TAF9: variants seen among roughly 807,000 people sequenced by gnomAD.
The protein encoded by TAF9 is transcription initiation factor TFIID subunit 9.
A neutral mutation model predicts 16.5 loss-of-function variants in TAF9; 10 were observed. The ratio of observed to expected loss-of-function variants is 0.61; its 90% CI spans 0.37 to 1.03. The LOEUF (loss-of-function observed/expected upper bound fraction) is 1.03, where lower values mean the gene tolerates loss of function less well. Among genes scored for constraint, TAF9 ranks in the 50% least tolerant of loss-of-function variants. TAF9 has a pLI of 0.01. For missense variants in TAF9, 288 were observed against 319.1 expected (o/e 0.90, Z 0.74); for synonymous variants, 105 against 120.5 (o/e 0.87, Z 0.84).
chr5:69,369,226 A>AAC, intron 1 of TAF9: 2 of 123,114 alleles, frequency 1.6e-5, no homozygotes, highest in South Asian at 3.2e-4. Context: ...ACCTCTCTCC[A>AAC]CCCCCCCCCG....
intron 1 of TAF9, among the ~76,000 whole-genome samples, chr5:69,368,591 A>T (rs1366778506): frequency 6.6e-6 from 1 of 151,660 alleles, no homozygotes; most frequent in Non-Finnish European, 1.5e-5. Flanking sequence ...CACCTCTCAG[A>T]AACAGACATG....
chr5:69,369,351 G>C, intron 1 of TAF9, 112 bp downstream of exon 1: 1 of 1,203,066 alleles, frequency 8.3e-7, no homozygotes, highest in Non-Finnish European at 1.1e-6. Context: ...CGTGGCCCTC[G>C]GCCGGCCTCT....
chr5:69,367,367 G>A (rs558036822), intron 1 of TAF9, among the ~76,000 whole-genome samples: 26 of 151,624 alleles, frequency 1.7e-4, no homozygotes, highest in Non-Finnish European at 3.1e-4. Flanking sequence ...AAAATTAGCC[G>A]GGCGTGGTGG....
intron 1 of TAF9, among the ~76,000 whole-genome samples, chr5:69,367,141 T>A (rs1762465382): frequency 6.6e-6 from 1 of 152,138 alleles, no homozygotes; most frequent in Non-Finnish European, 1.5e-5. Flanking sequence ...GTGTATTGAT[T>A]CTCCAGGGGT....
At chr5:69,369,074 C>G (rs544422947) in intron 1 of TAF9, 1 of 295,292 alleles carries the variant, frequency 3.4e-6, no homozygotes, top group East Asian at 6.9e-5. Context: ...ATGACTCTAC[C>G]GGGAAGCAGA....
intron 2 of TAF9, 32 bp downstream of exon 2, chr5:69,366,470 AC>A (rs771702753): frequency 6.3e-6 from 10 of 1,580,110 alleles, no homozygotes; most frequent in East Asian, 2.2e-5. Context: ...TAAAAAAAAA[AC>A]AAAACAAATC....
intron 2 of TAF9, 32 bp downstream of exon 2, chr5:69,366,469 AAC>A: frequency 6.3e-7 from 1 of 1,581,002 alleles, no homozygotes; most frequent in Admixed American, 1.7e-5. Flanking sequence ...TTAAAAAAAA[AAC>A]AAAACAAATC....
At chr5:69,369,383 C>T (rs572484739) in intron 1 of TAF9, 80 bp downstream of exon 1, 9 of 1,538,712 alleles carry the variant, frequency 5.8e-6, no homozygotes, top group African/African-American at 2.8e-5. Context: ...TGAGGGGCCC[C>T]CACCTGGGCG....
chr5:69,366,616 A>G (rs1762437407), intron 1 of TAF9, 21 bp from the exon 2 acceptor site: 1 of 1,565,134 alleles, frequency 6.4e-7, no homozygotes, highest in African/African-American at 1.4e-5. Context: ...AGCCACAGAA[A>G]AATACTGTTT....
chr5:69,366,430 C>T, intron 2 of TAF9, 73 bp downstream of exon 2: 2 of 1,169,062 alleles, frequency 1.7e-6, no homozygotes, highest in Non-Finnish European at 2.5e-6. Context: ...TATGACAATA[C>T]CCAGCACTAA....
At position 69,367,628 on chromosome 5, in the gene TAF9, C is replaced by A. The variant is rs181283088; in HGVS notation, c.-110-1033G>T. 7.8e-4 allele frequency among the ~76,000 whole-genome samples: 119 copies of A among 152,146 alleles called. 1 individual carries two copies. The highest frequency in any genetic ancestry group is 4.4e-5 in the Non-Finnish European group (3 of 68,018). On this transcript the variant is annotated intron_variant, in intron 1 of 2. Transcript: ENST00000217893. Reference sequence around the variant, plus strand: ...CTGGAGTGCAGTGGAACTTGGCTCACTAGAGCCTTTACCTCCTGGGCTCAA... The same window carrying A: ...CTGGAGTGCAGTGGAACTTGGCTCAATAGAGCCTTTACCTCCTGGGCTCAA...
upstream of TAF9, chr5:69,369,536 G>C (rs1251688243): frequency 6.8e-6 from 11 of 1,611,084 alleles, no homozygotes; most frequent in Non-Finnish European, 9.3e-6. Context: ...CGTGCCCTTT[G>C]CTCTACAGGG....
intron 1 of TAF9, 27 bp downstream of exon 1, chr5:69,369,436 C>G (rs759478703): frequency 9.3e-6 from 15 of 1,608,926 alleles, no homozygotes; most frequent in Non-Finnish European, 1.3e-5. Context: ...TGCCCCAGCC[C>G]AGTCCCTCCC....
chr5:69,366,370 T>A (rs1762425418), intron 2 of TAF9, 133 bp downstream of exon 2: 1 of 662,348 alleles, frequency 1.5e-6, no homozygotes, highest in South Asian at 2.0e-5. Flanking sequence ...TTCTGTGGAT[T>A]CCCTAACAGA....
chr5:69,369,377 G>T, intron 1 of TAF9, 86 bp downstream of exon 1: 1 of 1,509,238 alleles, frequency 6.6e-7, no homozygotes, highest in Admixed American at 2.0e-5. Flanking sequence ...GGGCAGTGAG[G>T]GGCCCCCACC....
chr5:69,369,649 C>A (rs1416700213), upstream of TAF9: 1 of 1,561,124 alleles, frequency 6.4e-7, no homozygotes. Context: ...CCGCGGCCCA[C>A]TGGTTACCTG....
chr5:69,364,874 G>T lies in TAF9; in HGVS notation c.*69C>A. 2 of 1,346,714 alleles carry T rather than the reference G, an allele frequency of 1.5e-6. No individual in the cohort carries two copies. The highest frequency in any genetic ancestry group is 2.0e-6 in the Non-Finnish European group (2 of 978,558). 83.4% of individuals were successfully genotyped at this position (1,346,714 alleles called of 1,614,324 possible). On this transcript the variant is annotated 3_prime_UTR_variant, in exon 3 of 3. Coordinates refer to ENST00000217893, the MANE Select transcript of TAF9 (RefSeq NM_003187.5). ...CTAAAACACAACTTGAAAACATCCA[G>T]CATGCATGTTTAATATCAGTACAAT...
chr5:69,369,256 G>T (rs113611123), intron 1 of TAF9: 2 of 75,590 alleles, frequency 2.6e-5, no homozygotes, highest in Admixed American at 1.6e-4. Context: ...GGAGCCTCAG[G>T]CCAACGGAAT....
chr5:69,369,417 C>A (rs959953829), intron 1 of TAF9, 46 bp downstream of exon 1: 3 of 1,601,414 alleles, frequency 1.9e-6, no homozygotes, highest in Non-Finnish European at 2.6e-6. Flanking sequence ...GCACTCTGCG[C>A]CCCCAGCCTG....
Sources: gnomAD v4.1 joint callset for allele counts (sites outside exome capture counted in the v4.1 genomes callset) on GRCh38, gnomAD v4.1.1 for gene constraint, MANE v1.5 for transcripts, NCBI Gene and HGNC (gene_info 2026-07-23, HGNC 2026-07-21) for gene names.